SPOCK3: variants seen among roughly 807,000 people sequenced by gnomAD.
SPOCK3 encodes testican-3.
Under a neutral mutation model 56.6 loss-of-function variants are expected in SPOCK3, and 30 were observed. That is an observed-to-expected ratio of 0.53 (90% confidence interval 0.40 to 0.72). The LOEUF is 0.72. Ranked by LOEUF, SPOCK3 falls within the 30% of genes least tolerant of loss-of-function variation. The pLI is 0.00. For missense variants in SPOCK3, 527 were observed against 530.0 expected, an observed-to-expected ratio of 0.99 and a Z score of 0.06; for synonymous variants, 196 against 183.3, an observed-to-expected ratio of 1.07 and a Z score of -0.56.
rs567541246 is a variant in SPOCK3, at chr4:166,968,612, T to C, written c.350+31737A>G. Among the ~76,000 whole-genome samples, 7 of 151,494 alleles carry C rather than the reference T, an allele frequency of 4.6e-5. No homozygotes were observed. In the East Asian group the frequency reaches 5.8e-4, roughly 13 times the overall value. On this transcript the variant is annotated intron_variant, in intron 4 of 10. Coordinates refer to ENST00000357545, the MANE Select transcript of SPOCK3 (RefSeq NM_001040159.2). ...CATGCAGGTGCACAGAAGGCAAGAA[T>C]TGAAGTTTGGGAGCCTCTGCCTAGA...
intron 3 of SPOCK3, among the ~76,000 whole-genome samples, chr4:167,043,148 A>C (rs1205829269): frequency 6.6e-6 from 1 of 152,100 alleles, no homozygotes; most frequent in South Asian, 2.1e-4. Context: ...TTGATAGCTC[A>C]TTATTTCATC....
At chr4:166,886,059 T>C (rs967831349) in intron 6 of SPOCK3, among the ~76,000 whole-genome samples, 3 of 152,146 alleles carry the variant, frequency 2.0e-5, no homozygotes, top group African/African-American at 7.2e-5. Flanking sequence ...CAATGAACTT[T>C]TGTTTTGCAA....
chr4:166,943,570 T>A (rs1018167553), intron 4 of SPOCK3, among the ~76,000 whole-genome samples: 2 of 152,190 alleles, frequency 1.3e-5, no homozygotes, highest in African/African-American at 4.8e-5. Context: ...TTTTTTACAG[T>A]TCAGTGAAAA....
intron 2 of SPOCK3, among the ~76,000 whole-genome samples, chr4:167,065,247 A>G (rs1163415860): frequency 6.6e-6 from 1 of 151,750 alleles, no homozygotes; most frequent in Non-Finnish European, 1.5e-5. Context: ...ACAGAGCCCA[A>G]GAAGGTGGAA....
At chr4:167,097,013 C>A (rs1190475011) in intron 2 of SPOCK3, among the ~76,000 whole-genome samples, 1 of 151,664 alleles carries the variant, frequency 6.6e-6, no homozygotes, top group Non-Finnish European at 1.5e-5. Flanking sequence ...GTAATGCCCC[C>A]CTCTATCCCT....
intron 4 of SPOCK3, among the ~76,000 whole-genome samples, chr4:166,987,838 A>AT (rs1747335277): frequency 6.6e-6 from 1 of 152,136 alleles, no homozygotes; most frequent in Non-Finnish European, 1.5e-5. Flanking sequence ...GGAAAAGCAA[A>AT]TGGGAGGCAA....
intron 5 of SPOCK3, among the ~76,000 whole-genome samples, chr4:166,897,547 T>C (rs1290543685): frequency 2.0e-5 from 3 of 152,186 alleles, no homozygotes; most frequent in Admixed American, 6.5e-5. Context: ...ACTATGCCAC[T>C]GTGCATTACC....
intron 6 of SPOCK3, among the ~76,000 whole-genome samples, chr4:166,869,930 C>T (rs1732282092): frequency 6.6e-6 from 1 of 151,982 alleles, no homozygotes; most frequent in Non-Finnish European, 1.5e-5. Flanking sequence ...TGAGTGTGAT[C>T]CAGCTTGAAA....
intron 2 of SPOCK3, among the ~76,000 whole-genome samples, chr4:167,157,363 A>G (rs926024984): frequency 6.6e-6 from 1 of 152,144 alleles, no homozygotes; most frequent in South Asian, 2.1e-4. Flanking sequence ...AGCAATTTAC[A>G]ATTTTTTTGG....
chr4:167,141,661 T>C (rs1223149332), intron 2 of SPOCK3, among the ~76,000 whole-genome samples: 2 of 151,848 alleles, frequency 1.3e-5, no homozygotes, highest in East Asian at 1.9e-4. Context: ...CTCCAGAAAG[T>C]AGAGCAAAAA....
At chr4:166,744,899 C>T (rs1049262920) in intron 8 of SPOCK3, among the ~76,000 whole-genome samples, 2 of 151,300 alleles carry the variant, frequency 1.3e-5, no homozygotes, top group African/African-American at 4.9e-5. Flanking sequence ...GATTGAAGAT[C>T]AAATGAATGA....
intron 6 of SPOCK3, among the ~76,000 whole-genome samples, chr4:166,825,442 TGTAAACTA>T (rs1328591896): frequency 6.6e-6 from 1 of 152,076 alleles, no homozygotes; most frequent in East Asian, 1.9e-4. Flanking sequence ...CTGGTAGGAA[TGTAAACTA>T]GTACAACCAC....
At chr4:167,164,773 C>G (rs1475342239) in intron 2 of SPOCK3, among the ~76,000 whole-genome samples, 1 of 152,080 alleles carries the variant, frequency 6.6e-6, no homozygotes, top group Non-Finnish European at 1.5e-5. Context: ...ATTATCTTAT[C>G]CTTTTTTATG....
chr4:166,738,115 C>T (rs979259006), intron 9 of SPOCK3, among the ~76,000 whole-genome samples: 5 of 152,082 alleles, frequency 3.3e-5, no homozygotes, highest in African/African-American at 7.2e-5. Flanking sequence ...CACATTATGT[C>T]GACTAGAGTC....
chr4:166,921,005 C>T (rs1738420879), intron 4 of SPOCK3, among the ~76,000 whole-genome samples: 1 of 152,076 alleles, frequency 6.6e-6, no homozygotes. Context: ...TTGTGGAAGT[C>T]ATTATCATTG....
chr4:166,932,673 T>C (rs1031564942), intron 4 of SPOCK3, among the ~76,000 whole-genome samples: 1 of 152,128 alleles, frequency 6.6e-6, no homozygotes, highest in Non-Finnish European at 1.5e-5. Flanking sequence ...GAGAAAAAAA[T>C]TTAAATTAAT....
intron 4 of SPOCK3, among the ~76,000 whole-genome samples, chr4:166,937,763 CTT>C (rs34980509): frequency 1.1e-4 from 13 of 123,002 alleles, no homozygotes; most frequent in Admixed American, 1.7e-4. Context: ...ATTTTTTTTT[CTT>C]TTTTTTTTTT....
At chr4:166,932,900 G>C (rs1336965193) in intron 4 of SPOCK3, among the ~76,000 whole-genome samples, 1 of 152,110 alleles carries the variant, frequency 6.6e-6, no homozygotes, top group Non-Finnish European at 1.5e-5. Flanking sequence ...TGTGTGTCTA[G>C]TATCCCTCTG....
intron 2 of SPOCK3, among the ~76,000 whole-genome samples, chr4:167,173,210 T>C (rs1468131610): frequency 6.6e-6 from 1 of 152,152 alleles, no homozygotes; most frequent in Non-Finnish European, 1.5e-5. Context: ...GAAGTGGCAC[T>C]TTATTTGATG....
Sources: allele counts gnomAD v4.1 joint callset (sites outside exome capture counted in the v4.1 genomes callset), GRCh38; gene constraint gnomAD v4.1.1; transcripts MANE v1.5; gene names NCBI Gene and HGNC (gene_info 2026-07-23, HGNC 2026-07-21).